The following TAFA4 variants were observed in gnomAD, a reference collection of about 807,000 sequenced individuals.
The protein encoded by TAFA4 is TAFA chemokine like family member 4, also known as chemokine-like protein TAFA-4.
A neutral mutation model predicts 21.1 loss-of-function variants in TAFA4; 20 were observed. The observed-to-expected ratio is 0.95, with a 90% CI of 0.67 to 1.38. TAFA4 has a LOEUF of 1.38. Ranked by LOEUF, TAFA4 falls within the 40% of genes most tolerant of loss-of-function variation. The pLI is 0.00. For missense variants in TAFA4, 211 were observed against 180.9 expected (o/e 1.17, Z -0.95); for synonymous variants, 71 against 67.4 (o/e 1.05, Z -0.26).
rs964425879 is a variant in TAFA4, at chr3:68,914,989, A to G, written c.-123+17251T>C. 2.0e-5 allele frequency among the ~76,000 whole-genome samples: 3 copies of G among 152,354 alleles called. No homozygotes were observed. The East Asian group carries it at 5.8e-4, about 29-fold the overall frequency. ...ATACCATCGCAGGCTTTTTCCCACTATAACAGTAGCTATAACAGAGTTCAT... is the reference window on the plus strand; with the variant it reads ...ATACCATCGCAGGCTTTTTCCCACTGTAACAGTAGCTATAACAGAGTTCAT... On this transcript the variant is annotated intron_variant, in intron 1 of 5. Coordinates refer to ENST00000295569, the MANE Select transcript of TAFA4 (RefSeq NM_182522.5).
chr3:68,743,642 T>G (rs1702400129), intron 4 of TAFA4, among the ~76,000 whole-genome samples: 1 of 151,962 alleles, frequency 6.6e-6, no homozygotes, highest in African/African-American at 2.4e-5. Context: ...CAATTTCCCC[T>G]TGCAGCTTCA....
intron 1 of TAFA4, among the ~76,000 whole-genome samples, chr3:68,888,774 T>A (rs906830532): frequency 4.0e-5 from 6 of 150,230 alleles, no homozygotes; most frequent in African/African-American, 1.2e-4. Context: ...TGTATAACAA[T>A]CCACTCTCAC....
At chr3:68,742,222 A>G (rs566377077) in intron 4 of TAFA4, among the ~76,000 whole-genome samples, 215 of 111,902 alleles carry the variant, frequency 1.9e-3, no homozygotes, top group African/African-American at 6.2e-3. Flanking sequence ...CTTCAACATT[A>G]TAAAGGTCAT....
At chr3:68,899,096 C>G (rs1008374928) in intron 1 of TAFA4, among the ~76,000 whole-genome samples, 1 of 152,188 alleles carries the variant, frequency 6.6e-6, no homozygotes. Context: ...AAATACATCA[C>G]ATAAATTTCA....
intron 1 of TAFA4, among the ~76,000 whole-genome samples, chr3:68,906,899 C>T (rs553705117): frequency 9.9e-5 from 15 of 151,840 alleles, no homozygotes; most frequent in South Asian, 2.1e-4. Flanking sequence ...GGCATGGTGG[C>T]GCATACCTGT....
chr3:68,842,160 C>T (rs1449715537), intron 3 of TAFA4, among the ~76,000 whole-genome samples: 1 of 152,218 alleles, frequency 6.6e-6, no homozygotes, highest in African/African-American at 2.4e-5. Flanking sequence ...TACACTCCCA[C>T]CAACAGTGTA....
intron 3 of TAFA4, among the ~76,000 whole-genome samples, chr3:68,876,119 T>G (rs1161158821): frequency 1.3e-5 from 2 of 152,216 alleles, no homozygotes; most frequent in Admixed American, 6.5e-5. Context: ...TCTAACCACA[T>G]GTGACTATTG....
At chr3:68,785,454 C>T (rs1339136325) in intron 3 of TAFA4, among the ~76,000 whole-genome samples, 1 of 152,250 alleles carries the variant, frequency 6.6e-6, no homozygotes, top group Non-Finnish European at 1.5e-5. Flanking sequence ...GTCCCAAGCC[C>T]TGCCCCGCGC....
At chr3:68,927,948 G>A (rs973488417) in intron 1 of TAFA4, among the ~76,000 whole-genome samples, 3 of 151,242 alleles carry the variant, frequency 2.0e-5, no homozygotes, top group South Asian at 2.1e-4. Flanking sequence ...TTCCAAAAAG[G>A]ATATTTTACT....
intron 1 of TAFA4, among the ~76,000 whole-genome samples, chr3:68,893,719 G>A (rs999902744): frequency 1.3e-5 from 2 of 152,158 alleles, no homozygotes; most frequent in Non-Finnish European, 2.9e-5. Flanking sequence ...AAAGCCCGTC[G>A]CAGACAATAT....
At chr3:68,864,875 G>C (rs562674765) in intron 3 of TAFA4, among the ~76,000 whole-genome samples, 1 of 152,022 alleles carries the variant, frequency 6.6e-6, no homozygotes, top group Admixed American at 6.6e-5. Context: ...TGAAAAAGAA[G>C]ATGATTCCAC....
At position 68,812,322 on chromosome 3, in the gene TAFA4, C is replaced by T. The variant is rs577116176; in HGVS notation, c.131-59304G>A. 2.6e-5 allele frequency among the ~76,000 whole-genome samples: 4 copies of T among 152,246 alleles called. No homozygotes were observed. The South Asian group carries it at 8.3e-4, about 32-fold the overall frequency. On this transcript the variant is annotated intron_variant, in intron 3 of 5. Transcript: ENST00000295569. ...ATGACAGGATCAAATTCACACATAA[C>T]AATATTAACCTTAAATGTAAGTGGG... is the stretch of plus-strand genomic sequence containing the variant.
intron 3 of TAFA4, among the ~76,000 whole-genome samples, chr3:68,853,538 C>T (rs983312863): frequency 9.9e-5 from 15 of 152,254 alleles, no homozygotes; most frequent in Admixed American, 9.2e-4. Context: ...TCTCTCCCTT[C>T]CCTGGGTCAC....
intron 3 of TAFA4, among the ~76,000 whole-genome samples, chr3:68,816,593 G>A (rs75741511): frequency 0.014 from 2,138 of 152,168 alleles, 44 homozygotes; most frequent in African/African-American, 0.049. Context: ...AGTTCTAATA[G>A]TTTTTATGGA....
intron 3 of TAFA4, among the ~76,000 whole-genome samples, chr3:68,854,298 T>C (rs2106913560): frequency 6.6e-6 from 1 of 152,026 alleles, no homozygotes; most frequent in South Asian, 2.1e-4. Context: ...AAGAAGAGAA[T>C]GGCAGACGAC....
chr3:68,872,564 C>A (rs1409008156), intron 3 of TAFA4, among the ~76,000 whole-genome samples: 1 of 151,984 alleles, frequency 6.6e-6, no homozygotes, highest in Non-Finnish European at 1.5e-5. Context: ...ACAATATTCC[C>A]AACATAAAGA....
intron 4 of TAFA4, among the ~76,000 whole-genome samples, chr3:68,748,872 T>C (rs2106746455): frequency 6.6e-6 from 1 of 152,360 alleles, no homozygotes; most frequent in Admixed American, 6.5e-5. Context: ...TTAGAAACCA[T>C]TTTGACAAAA....
At chr3:68,764,653 C>A (rs1702814577) in intron 3 of TAFA4, among the ~76,000 whole-genome samples, 1 of 152,164 alleles carries the variant, frequency 6.6e-6, no homozygotes, top group Non-Finnish European at 1.5e-5. Context: ...TGACTCTCAT[C>A]CCTGTTGCAA....
chr3:68,801,390 T>A lies in TAFA4; in HGVS notation c.131-48372A>T, dbSNP rs76632534. ...ACAGCCTTTGGGGGAAATATATAGGTCCAGGTTAAGAACCACCCAAATCTC... is the reference window on the plus strand; with the variant it reads ...ACAGCCTTTGGGGGAAATATATAGGACCAGGTTAAGAACCACCCAAATCTC... On this transcript the variant is annotated intron_variant, in intron 3 of 5. Transcript: ENST00000295569. Among the ~76,000 whole-genome samples, 651 of 152,276 alleles carry A rather than the reference T, an allele frequency of 4.3e-3. 41 individuals carry two copies. The East Asian group carries it at 0.11, about 26-fold the overall frequency.
Sources: gnomAD v4.1 joint callset for allele counts (sites outside exome capture counted in the v4.1 genomes callset) on GRCh38, gnomAD v4.1.1 for gene constraint, MANE v1.5 for transcripts, NCBI Gene and HGNC (gene_info 2026-07-23, HGNC 2026-07-21) for gene names.